The following SMAP1 variants were observed in gnomAD, a reference collection of about 807,000 sequenced individuals.
SMAP1 encodes stromal membrane-associated protein 1.
Under a neutral mutation model 58.5 loss-of-function variants are expected in SMAP1, and 24 were observed. The ratio of observed to expected loss-of-function variants is 0.41; its 90% CI spans 0.30 to 0.58. The LOEUF (loss-of-function observed/expected upper bound fraction) is 0.58, where lower values mean the gene tolerates loss of function less well. Ranked by LOEUF, SMAP1 falls within the 20% of genes least tolerant of loss-of-function variation. SMAP1 has a pLI of 0.29. For missense variants in SMAP1, 563 were observed against 566.3 expected (o/e 0.99, Z 0.06); for synonymous variants, 216 against 196.6 (o/e 1.10, Z -0.82).
intron 3 of SMAP1, among the ~76,000 whole-genome samples, chr6:70,759,314 C>T (rs1582128122): frequency 6.6e-6 from 1 of 152,052 alleles, no homozygotes; most frequent in Non-Finnish European, 1.5e-5. Context: ...ATATATGACC[C>T]CTCGAATTGA....
intron 1 of SMAP1, among the ~76,000 whole-genome samples, chr6:70,700,249 G>T (rs1243641129): frequency 6.6e-6 from 1 of 152,222 alleles, no homozygotes; most frequent in Non-Finnish European, 1.5e-5. Context: ...TTCCGCAGAA[G>T]CCAAGCACAT....
At chr6:70,752,553 T>A (rs1043602563) in intron 2 of SMAP1, among the ~76,000 whole-genome samples, 1 of 152,316 alleles carries the variant, frequency 6.6e-6, no homozygotes. Flanking sequence ...CTATTTTTAT[T>A]ATTTTTTTCC....
intron 4 of SMAP1, among the ~76,000 whole-genome samples, chr6:70,788,911 G>GA (rs963289999): frequency 6.6e-6 from 1 of 152,148 alleles, no homozygotes; most frequent in African/African-American, 2.4e-5. Flanking sequence ...AGAGGAGCAA[G>GA]ATTTGGGGCA....
chr6:70,828,881 C>CA (rs917790929), intron 6 of SMAP1, among the ~76,000 whole-genome samples: 5 of 152,062 alleles, frequency 3.3e-5, no homozygotes, highest in African/African-American at 1.2e-4. Context: ...CAAACCCCAA[C>CA]AGAACAAAAC....
intron 2 of SMAP1, among the ~76,000 whole-genome samples, chr6:70,741,178 A>G (rs927263818): frequency 2.0e-5 from 3 of 152,124 alleles, no homozygotes; most frequent in African/African-American, 4.8e-5. Context: ...GCAGGCCCCC[A>G]AAGTCTTAAC....
intron 7 of SMAP1, among the ~76,000 whole-genome samples, chr6:70,845,244 AT>A (rs1770945339): frequency 6.6e-6 from 1 of 152,240 alleles, no homozygotes; most frequent in African/African-American, 2.4e-5. Flanking sequence ...TAAAGGATGA[AT>A]TCAATTAATA....
In SMAP1 at chr6:70,851,731, CG is replaced by C. The variant is rs1771192398; in HGVS notation, c.665-807del. On this transcript the variant is annotated intron_variant, in intron 7 of 10. Coordinates refer to ENST00000370455, the MANE Select transcript of SMAP1 (RefSeq NM_001044305.3). ...CATAAAAAGGGGATATAAAATAAAC[CG>C]GTTTTGAATTCTTGAAATTACAGTT... is the stretch of plus-strand genomic sequence containing the variant. Among the ~76,000 whole-genome samples, 7 of 152,182 alleles carry C rather than the reference CG, an allele frequency of 4.6e-5. No homozygotes were observed. In the South Asian group the frequency reaches 1.5e-3, roughly 32 times the overall value.
At chr6:70,715,103 CTTT>C (rs34027498) in intron 1 of SMAP1, among the ~76,000 whole-genome samples, 1 of 108,888 alleles carries the variant, frequency 9.2e-6, no homozygotes, top group Non-Finnish European at 1.8e-5. Context: ...TTTTTTTTTC[CTTT>C]TTTTTTTTTG....
chr6:70,805,684 T>G (rs1208706279), intron 6 of SMAP1, among the ~76,000 whole-genome samples: 1 of 152,314 alleles, frequency 6.6e-6, no homozygotes, highest in South Asian at 2.1e-4. Flanking sequence ...AGATGGGGTT[T>G]TGGTGTGGAT....
intron 1 of SMAP1, among the ~76,000 whole-genome samples, chr6:70,677,008 T>A (rs969364178): frequency 1.3e-5 from 2 of 151,976 alleles, no homozygotes; most frequent in Non-Finnish European, 2.9e-5. Context: ...TGTTTGGGCT[T>A]TCAAACTCAT....
intron 5 of SMAP1, among the ~76,000 whole-genome samples, chr6:70,796,642 C>T (rs1657002359): frequency 6.6e-6 from 1 of 152,134 alleles, no homozygotes; most frequent in Non-Finnish European, 1.5e-5. Context: ...GTATAAAGCC[C>T]AGGCACTTGA....
intron 10 of SMAP1, chr6:70,858,710 G>T: frequency 6.5e-6 from 1 of 154,052 alleles, no homozygotes; most frequent in Non-Finnish European, 1.4e-5. Flanking sequence ...AGGGATCTAA[G>T]GCTATTTTTC....
Position 70,794,781 on chromosome 6 carries a change from T to G in SMAP1, c.495+3012T>G, listed in dbSNP as rs1035066595. Among the ~76,000 whole-genome samples, 3 of 140,688 alleles carry G rather than the reference T, an allele frequency of 2.1e-5. 1 individual carries two copies. The highest frequency in any genetic ancestry group is 4.5e-4 in the South Asian group (2 of 4,474). 92.3% of individuals were successfully genotyped at this position (140,688 alleles called of 152,430 possible). On this transcript the variant is annotated intron_variant, in intron 5 of 10. Transcript: ENST00000370455. ...ATTCCATGGTGTATTGTGCCACATT[T>G]TCTTTTCTTTTTTTTTTTTTTTTTT... is the stretch of plus-strand genomic sequence containing the variant.
At chr6:70,772,258 C>G (rs192933547) in intron 3 of SMAP1, among the ~76,000 whole-genome samples, 22 of 152,268 alleles carry the variant, frequency 1.4e-4, no homozygotes, top group African/African-American at 5.3e-4. Context: ...TGTGGTCTGT[C>G]ATCCCTTTCT....
At chr6:70,682,853 C>T (rs1386638412) in intron 1 of SMAP1, among the ~76,000 whole-genome samples, 3 of 152,064 alleles carry the variant, frequency 2.0e-5, no homozygotes, top group South Asian at 2.1e-4. Context: ...GCCTGGCCAA[C>T]GTGGCGAAAC....
chr6:70,837,413 C>G lies in SMAP1; in HGVS notation c.664+385C>G, dbSNP rs117225411. Among the ~76,000 whole-genome samples the G allele has an allele frequency of 6.7e-3, 1,017 of 152,036 alleles. 7 individuals carry two copies. The highest frequency in any genetic ancestry group is 0.027 in the Middle Eastern group (8 of 294). ...TCTTAGCAAAATAATTCTAGGGTAG[C>G]CTTATTGTAAAATACGTTGGTTTAA... On this transcript the variant is annotated intron_variant, in intron 7 of 10. Transcript: ENST00000370455.
rs1766145115 is a variant in SMAP1 at position 70,668,768 on chromosome 6, A to T, written c.118+627A>T. The T allele has an allele frequency of 5.9e-6, 9 of 1,524,632 alleles. No homozygotes were observed. In the Middle Eastern group the frequency reaches 8.4e-4, roughly 142 times the overall value. 94.4% of individuals were successfully genotyped at this position (1,524,632 alleles called of 1,614,324 possible). A position where few individuals can be genotyped will look rare whatever the true frequency, so the allele number is the denominator to read the frequency against. On this transcript the variant is annotated intron_variant, in intron 1 of 10. Coordinates refer to ENST00000370455, the MANE Select transcript of SMAP1 (RefSeq NM_001044305.3). ...TAATTGGAGAAAGGTCTTTATTAGT[A>T]GTAGTATTGTTTTTTAGTCTGGTTA... is the stretch of plus-strand genomic sequence containing the variant.
At chr6:70,754,645 A>T (rs1462157247) in intron 2 of SMAP1, among the ~76,000 whole-genome samples, 4 of 152,118 alleles carry the variant, frequency 2.6e-5, no homozygotes. Flanking sequence ...CAAGTGGTGC[A>T]CTAGAAAAAA....
At chr6:70,696,081 C>G (rs1183463475) in intron 1 of SMAP1, among the ~76,000 whole-genome samples, 1 of 152,020 alleles carries the variant, frequency 6.6e-6, no homozygotes, top group Non-Finnish European at 1.5e-5. Flanking sequence ...TCATAGTAGC[C>G]TCTAATGATG....
Sources: gnomAD v4.1 joint callset for allele counts (sites outside exome capture counted in the v4.1 genomes callset) on GRCh38, gnomAD v4.1.1 for gene constraint, MANE v1.5 for transcripts, NCBI Gene and HGNC (gene_info 2026-07-23, HGNC 2026-07-21) for gene names.